STAT5B: variants seen among roughly 807,000 people sequenced by gnomAD.
The protein encoded by STAT5B is transcription factor STAT5B.
Under a neutral mutation model 107.8 loss-of-function variants are expected in STAT5B, and 21 were observed. The observed-to-expected ratio is 0.19, with a 90% CI of 0.14 to 0.28. STAT5B has a LOEUF of 0.28. Among genes scored for constraint, STAT5B ranks in the 10% least tolerant of loss-of-function variants. The pLI, the probability that STAT5B is intolerant of heterozygous loss-of-function variation, is 1.00. For synonymous variants in STAT5B, 325 were observed against 401.7 expected (o/e 0.81, Z 2.28); for missense variants, 565 against 1,008.2 (o/e 0.56, Z 5.95).
rs535021090 is a variant in STAT5B, at chr17:42,201,189, G to T, written c.*549C>A. ...CATTCCTACCCAAGAACACAGGGGT[G>T]GGGGAGAGGGAAGGCTCTCTTTGTC... On this transcript the variant is annotated 3_prime_UTR_variant, in exon 19 of 19. Transcript: ENST00000293328. 5 of 414,888 alleles carry T rather than the reference G, an allele frequency of 1.2e-5. No homozygotes were observed. Among genetic ancestry groups the T allele is most frequent in the African/African-American group, 6.1e-5 (3 of 48,860 alleles). 25.7% of individuals were successfully genotyped at this position (414,888 alleles called of 1,614,324 possible). A position where few individuals can be genotyped will look rare whatever the true frequency, so the allele number is the denominator to read the frequency against.
At chr17:42,242,049 T>C (rs946406080) in intron 1 of STAT5B, among the ~76,000 whole-genome samples, 11 of 152,072 alleles carry the variant, frequency 7.2e-5, no homozygotes, top group Non-Finnish European at 1.3e-4. Context: ...ATAGAGATGA[T>C]AGTATTCTGG....
intron 3 of STAT5B, 94 bp downstream of exon 3, chr17:42,227,435 A>T: frequency 1.3e-6 from 2 of 1,568,766 alleles, no homozygotes; most frequent in East Asian, 4.5e-5. Flanking sequence ...CGTGTAACTC[A>T]ACAATGCTGG....
intron 1 of STAT5B, among the ~76,000 whole-genome samples, chr17:42,253,909 T>C (rs544210635): frequency 5.3e-5 from 8 of 152,298 alleles, no homozygotes; most frequent in East Asian, 3.9e-4. Context: ...TTTGTAGACA[T>C]TGTAAAAATA....
chr17:42,202,239 A>G, intron 18 of STAT5B, 101 bp downstream of exon 18: 1 of 1,373,602 alleles, frequency 7.3e-7, no homozygotes, highest in Non-Finnish European at 1.0e-6. Flanking sequence ...TCTCAGACCT[A>G]GAGGAGCTCT....
intron 1 of STAT5B, among the ~76,000 whole-genome samples, chr17:42,269,047 C>T (rs2080699353): frequency 6.6e-6 from 1 of 152,034 alleles, no homozygotes; most frequent in African/African-American, 2.4e-5. Context: ...CAGTGACTTG[C>T]CACCAGCTAT....
chr17:42,266,755 T>A (rs1008260955), intron 1 of STAT5B, among the ~76,000 whole-genome samples: 1 of 152,100 alleles, frequency 6.6e-6, no homozygotes, highest in Non-Finnish European at 1.5e-5. Flanking sequence ...AGTCAAGGGA[T>A]CTTGCCTCAT....
intron 16 of STAT5B, among the ~76,000 whole-genome samples, chr17:42,205,292 A>C (rs2069930606): frequency 6.6e-6 from 1 of 152,088 alleles, no homozygotes; most frequent in South Asian, 2.1e-4. Flanking sequence ...TGGCCTCCCA[A>C]AGTGTTGGGA....
chr17:42,204,625 T>A (rs2080072022), intron 16 of STAT5B, among the ~76,000 whole-genome samples: 1 of 152,252 alleles, frequency 6.6e-6, no homozygotes, highest in South Asian at 2.1e-4. Flanking sequence ...AGGATTTTAT[T>A]TTTTTCTGAG....
At chr17:42,287,121 C>T in the STAT5B span, among the ~76,000 whole-genome samples, 9 of 152,294 alleles carry the variant, frequency 5.9e-5, no homozygotes, top group South Asian at 2.1e-4. Context: ...CCTCGTGATC[C>T]TGCCAACTAA....
At chr17:42,281,704 T>C (rs1470485716), upstream of STAT5B, among the ~76,000 whole-genome samples, 1 of 152,148 alleles carries the variant, frequency 6.6e-6, no homozygotes, top group East Asian at 1.9e-4. Flanking sequence ...GTCTTGCTCC[T>C]GTGTGCCTCA....
chr17:42,263,902 C>CACAG (rs2080642694), intron 1 of STAT5B, among the ~76,000 whole-genome samples: 2 of 151,768 alleles, frequency 1.3e-5, no homozygotes, highest in Non-Finnish European at 2.9e-5. Flanking sequence ...CACACACACA[C>CACAG]ACACACACAG....
chr17:42,241,439 A>C (rs2080401632), intron 1 of STAT5B, among the ~76,000 whole-genome samples: 1 of 151,128 alleles, frequency 6.6e-6, no homozygotes, highest in East Asian at 1.9e-4. Context: ...GTCACCTAGT[A>C]CAGCAATTTT....
rs1181212164 is a variant in STAT5B at position 42,200,047 on chromosome 17, C to T, written c.*1691G>A. 2 of 152,780 alleles carry T rather than the reference C, an allele frequency of 1.3e-5. No individual in the cohort carries two copies. The highest frequency in any genetic ancestry group is 3.8e-4 in the East Asian group (2 of 5,304). The allele number at this position is 152,780 out of a possible 1,614,324, so 9.5% of individuals were successfully genotyped here. A position where few individuals can be genotyped will look rare whatever the true frequency, so the allele number is the denominator to read the frequency against. The stretch of plus-strand genomic sequence containing the variant: ...AGGGGCTGAGTGGGATGCGGGTAGC[C>T]TGCTCCTCAGAGGCAGAGAGACTCT... On this transcript the variant is annotated 3_prime_UTR_variant, in exon 19 of 19. Transcript: ENST00000293328.
At chr17:42,262,885 T>C (rs1167115827) in intron 1 of STAT5B, among the ~76,000 whole-genome samples, 12 of 118,272 alleles carry the variant, frequency 1.0e-4, no homozygotes, top group South Asian at 2.4e-4. Context: ...TATATACACA[T>C]ATATATGTGT....
chr17:42,217,617 ATCT>A (rs932832953), intron 9 of STAT5B, 153 bp from the exon 10 acceptor site: 5 of 757,722 alleles, frequency 6.6e-6, no homozygotes, highest in African/African-American at 1.7e-5. Context: ...CATACATGTA[ATCT>A]TCTCGGACGT....
intron 9 of STAT5B, chr17:42,217,865 C>G (rs182611473): frequency 2.3e-4 from 105 of 461,274 alleles, no homozygotes; most frequent in African/African-American, 1.5e-3. Flanking sequence ...CCACCACGCC[C>G]GGCTAATTTT....
intron 1 of STAT5B, among the ~76,000 whole-genome samples, chr17:42,246,229 G>A (rs1271968442): frequency 6.6e-6 from 1 of 152,064 alleles, no homozygotes; most frequent in Admixed American, 6.6e-5. Context: ...ATAAAACACA[G>A]GAAGAAATAT....
At position 42,223,416 on chromosome 17, in the gene STAT5B, G is replaced by A. The variant is rs2144266958; in HGVS notation, c.516C>T (p.Phe172=). ...LKKLQQTQEY[F]IIQYQESLRI... is the part of the protein sequence containing the mutation. ...TCAGGCTCTCCTGGTACTGGATGAT[G>A]AAGTACTCCTGAGTCTGCTGCAGCT... The change falls in exon 5 of 19, where the codon TTC becomes TTT. Residue 172 remains phenylalanine (F), a synonymous_variant. Transcript: ENST00000293328. 2 of 1,614,200 alleles carry A rather than the reference G, an allele frequency of 1.2e-6. No individual in the cohort carries two copies. The highest frequency in any genetic ancestry group is 1.7e-6 in the Non-Finnish European group (2 of 1,180,036).
At chr17:42,276,687 C>T, upstream of STAT5B, 1 of 152,202 alleles carries the variant, frequency 6.6e-6, no homozygotes, top group Non-Finnish European at 1.5e-5. This position sits in a 1 kb window ranked among gnomAD's most constrained non-coding sequence, Gnocchi z 4.8. Context: ...CGCCGCACCG[C>T]AAGCACATGC....
Sources: allele counts gnomAD v4.1 joint callset (sites outside exome capture counted in the v4.1 genomes callset), GRCh38; gene constraint gnomAD v4.1.1; non-coding constraint Gnocchi (gnomAD v3.1); transcripts MANE v1.5; gene names NCBI Gene and HGNC (gene_info 2026-07-23, HGNC 2026-07-21).